WT1: variants seen among roughly 807,000 people sequenced by gnomAD.
WT1 encodes the protein WT1 transcription factor, also known as Wilms tumor protein.
Under a neutral mutation model 60.8 loss-of-function variants are expected in WT1, and 8 were observed. That is an observed-to-expected ratio of 0.13 (90% CI 0.08 to 0.24). WT1 has a LOEUF of 0.24. Ranked by LOEUF, WT1 falls within the 10% of genes least tolerant of loss-of-function variation. The pLI is 1.00. For synonymous variants in WT1, 312 were observed against 297.1 expected (o/e 1.05, Z -0.52); for missense variants, 568 against 711.8 (o/e 0.80, Z 2.30).
chr11:32,406,243 G>T (rs545005505), intron 5 of WT1, among the ~76,000 whole-genome samples: 1 of 152,066 alleles, frequency 6.6e-6, no homozygotes, highest in Non-Finnish European at 1.5e-5. Context: ...GGAGGTGGGG[G>T]TGGTTTTGGG....
intron 1 of WT1, among the ~76,000 whole-genome samples, chr11:32,429,990 A>G (rs1853220244): frequency 7.7e-6 from 1 of 130,124 alleles, no homozygotes; most frequent in Non-Finnish European, 1.5e-5. Context: ...AAAAAAAAAA[A>G]AGAAAAAGAA....
chr11:32,428,981 TA>T (rs1398208835), intron 1 of WT1: 2 of 357,514 alleles, frequency 5.6e-6, no homozygotes, highest in African/African-American at 4.2e-5. Flanking sequence ...CCCCCAAAAA[TA>T]AACTGCAGCT....
rs139299919 is a variant in WT1, at chr11:32,400,108, T to C, written c.1017-64A>G. 1,739 of 1,571,854 alleles carry C rather than the reference T, an allele frequency of 1.1e-3. 35 individuals are homozygous for C. The East Asian group carries it at 0.036, about 32-fold the overall frequency. On this transcript the variant is annotated intron_variant, in intron 5 of 9. Transcript: ENST00000452863. ...CACAGTCGCCATTTGGAAATGCTTA[T>C]CTGCAATCAGGAGGGAATGATGGTT...
rs770403127 is a variant in WT1, at chr11:32,434,877, G to A, written c.484C>T (p.Leu162=). 6.2e-7 allele frequency: 1 copy of A among 1,612,490 alleles called. No homozygotes were observed. Among genetic ancestry groups the A allele is most frequent in the South Asian group, 1.1e-5 (1 of 91,032 alleles). Residue 162 remains leucine (L), a synonymous_variant, in exon 1 of 10, where the codon CTG becomes TTG. Coordinates refer to ENST00000452863, the MANE Select transcript of WT1 (RefSeq NM_024426.6). ...GAAAAGTGGACAGTGAAGGCGCTCA[G>A]GCACTGCTCCTCGTGCGGCTCCGCG...
At chr11:32,398,500 C>T (rs1414580206) in intron 6 of WT1, among the ~76,000 whole-genome samples, 2 of 152,206 alleles carry the variant, frequency 1.3e-5, no homozygotes, top group Non-Finnish European at 2.9e-5. Context: ...TTACTTTCTT[C>T]ATGCTCCTTG....
intron 5 of WT1, among the ~76,000 whole-genome samples, chr11:32,403,768 G>A (rs1321834515): frequency 1.3e-5 from 2 of 151,542 alleles, no homozygotes; most frequent in Non-Finnish European, 2.9e-5. Context: ...GTAGAGACGG[G>A]GTTTCAACGT....
At position 32,430,545 on chromosome 11, in the gene WT1, AGC is replaced by A. The variant is rs71873106; in HGVS notation, c.662-1928_662-1927del. 4.0e-3 allele frequency: 6,371 copies of A among 1,608,994 alleles called. 225 individuals are homozygous for A. In the African/African-American group the frequency reaches 0.075, roughly 19 times the overall value. ...CTAGACGAACCCTTCTCCATTCCTGAGCCCAGGAGTAGGCAGGGACCCAGGGC... is the reference window on the plus strand; with the variant it reads ...CTAGACGAACCCTTCTCCATTCCTGACCAGGAGTAGGCAGGGACCCAGGGC... On this transcript the variant is annotated intron_variant, in intron 1 of 9. Transcript: ENST00000452863.
At chr11:32,391,862 TA>T in intron 9 of WT1, 109 bp downstream of exon 9, 1 of 1,150,696 alleles carries the variant, frequency 8.7e-7, no homozygotes, top group Non-Finnish European at 1.3e-6. Context: ...CAACTGAGTC[TA>T]AACCTTAGAA....
chr11:32,410,798 T>C (rs907823150), intron 5 of WT1, among the ~76,000 whole-genome samples: 1 of 152,218 alleles, frequency 6.6e-6, no homozygotes, highest in African/African-American at 2.4e-5. Context: ...TAAATAAACT[T>C]GTTCGCTTTT....
At chr11:32,410,579 T>G (rs1383789269) in intron 5 of WT1, among the ~76,000 whole-genome samples, 1 of 152,224 alleles carries the variant, frequency 6.6e-6, no homozygotes, top group Admixed American at 6.5e-5. Flanking sequence ...TTTTAAACAG[T>G]TATCTCTGGG....
chr11:32,418,996 C>T (rs1021680216), intron 3 of WT1, among the ~76,000 whole-genome samples: 37 of 152,128 alleles, frequency 2.4e-4, no homozygotes, highest in African/African-American at 5.6e-4. Flanking sequence ...TGTATCTGGA[C>T]GCCGTCACTC....
chr11:32,430,863 G>A, intron 1 of WT1: 1 of 1,219,450 alleles, frequency 8.2e-7, no homozygotes, highest in African/African-American at 1.5e-5. Context: ...TATCGGACAC[G>A]GGTTTGATTA....
At chr11:32,433,244 A>G (rs1274110054) in intron 1 of WT1, among the ~76,000 whole-genome samples, 1 of 152,210 alleles carries the variant, frequency 6.6e-6, no homozygotes, top group Admixed American at 6.5e-5. Context: ...ACAAAACACT[A>G]ATTTCACTAA....
chr11:32,430,277 C>T (rs1853235542), intron 1 of WT1, among the ~76,000 whole-genome samples: 1 of 152,126 alleles, frequency 6.6e-6, no homozygotes, highest in Admixed American at 6.5e-5. Flanking sequence ...TGGGCTTCCA[C>T]AGACTTCCTT....
chr11:32,410,607 A>C (rs1852466666), intron 5 of WT1, among the ~76,000 whole-genome samples: 1 of 152,196 alleles, frequency 6.6e-6, no homozygotes, highest in Non-Finnish European at 1.5e-5. Context: ...ACAACAGATT[A>C]ATTTTCTTTT....
At chr11:32,408,603 G>A (rs1852400492) in intron 5 of WT1, among the ~76,000 whole-genome samples, 2 of 149,488 alleles carry the variant, frequency 1.3e-5, no homozygotes, top group South Asian at 2.1e-4. Flanking sequence ...ATGAGAGAGA[G>A]AGAGGAAGAA....
intron 4 of WT1, 140 bp from the exon 5 acceptor site, chr11:32,416,680 C>T (rs575096457): frequency 4.2e-5 from 45 of 1,081,116 alleles, no homozygotes; most frequent in African/African-American, 2.6e-4. Context: ...AACTAAGTCC[C>T]CAGTCCCACT....
chr11:32,427,789 G>A (rs1242857868), intron 3 of WT1, among the ~76,000 whole-genome samples, 167 bp downstream of exon 3: 1 of 152,248 alleles, frequency 6.6e-6, no homozygotes, highest in Admixed American at 6.5e-5. Flanking sequence ...AGGGAGATCA[G>A]CTTTAATTTC....
At chr11:32,400,245 GC>G in intron 5 of WT1, 1 of 657,096 alleles carries the variant, frequency 1.5e-6, no homozygotes, top group Non-Finnish European at 2.7e-6. Flanking sequence ...CCACCTCGCA[GC>G]CCCTCCCTCA....
Sources: allele counts gnomAD v4.1 joint callset (sites outside exome capture counted in the v4.1 genomes callset), GRCh38; gene constraint gnomAD v4.1.1; transcripts MANE v1.5; gene names NCBI Gene and HGNC (gene_info 2026-07-23, HGNC 2026-07-21).